NOX4: variants seen among roughly 807,000 people sequenced by gnomAD.
NOX4 encodes NADPH oxidase 4, also known as kidney oxidase-1.
Under a neutral mutation model 87.6 loss-of-function variants are expected in NOX4, and 69 were observed. That is an observed-to-expected ratio of 0.79 (90% CI 0.65 to 0.96). NOX4 has a LOEUF of 0.96. Ranked by LOEUF, NOX4 falls within the 40% of genes least tolerant of loss-of-function variation. The probability of loss-of-function intolerance (pLI) is 0.00; values close to 1 mark genes in which losing one functional copy is unlikely to be tolerated. For synonymous variants in NOX4, 275 were observed against 238.2 expected (o/e 1.15, Z -1.42); for missense variants, 680 against 681.5 (o/e 1.00, Z 0.02).
upstream of NOX4, among the ~76,000 whole-genome samples, chr11:89,501,068 C>T: frequency 6.6e-6 from 1 of 151,890 alleles, no homozygotes; most frequent in East Asian, 1.9e-4. Context: ...CAAGCTGTAG[C>T]CCTAGGAGAA....
At chr11:89,568,243 C>T in the NOX4 span, among the ~76,000 whole-genome samples, 11 of 151,936 alleles carry the variant, frequency 7.2e-5, no homozygotes, top group African/African-American at 1.9e-4. Flanking sequence ...TACTAAAATC[C>T]GAGCTGAACT....
At chr11:89,366,386 GTAACA>G (rs1938986985) in intron 12 of NOX4, among the ~76,000 whole-genome samples, 2 of 152,000 alleles carry the variant, frequency 1.3e-5, no homozygotes, top group Admixed American at 6.6e-5. Context: ...AAACTAAAAA[GTAACA>G]TTTTGGCCAG....
chr11:89,494,181 C>A (rs1475374987), upstream of NOX4, among the ~76,000 whole-genome samples: 1 of 152,174 alleles, frequency 6.6e-6, no homozygotes, highest in Non-Finnish European at 1.5e-5. Flanking sequence ...TTCACACTTT[C>A]TCCAGGAACA....
chr11:89,454,716 A>G (rs908459914), intron 2 of NOX4, among the ~76,000 whole-genome samples: 1 of 152,180 alleles, frequency 6.6e-6, no homozygotes, highest in African/African-American at 2.4e-5. Context: ...GATCTCATCT[A>G]CAGAAAGCTG....
the NOX4 span, among the ~76,000 whole-genome samples, chr11:89,526,757 C>A: frequency 6.6e-6 from 1 of 152,124 alleles, no homozygotes; most frequent in African/African-American, 2.4e-5. Flanking sequence ...GCCTCCCGAG[C>A]CATGCTGAAC....
At chr11:89,458,863 G>T (rs1026398742) in intron 2 of NOX4, among the ~76,000 whole-genome samples, 1 of 152,066 alleles carries the variant, frequency 6.6e-6, no homozygotes, top group Non-Finnish European at 1.5e-5. Flanking sequence ...ATGGGAATGT[G>T]AATTAGATCA....
chr11:89,585,061 G>A, the NOX4 span, among the ~76,000 whole-genome samples: 3 of 152,086 alleles, frequency 2.0e-5, no homozygotes, highest in Non-Finnish European at 4.4e-5. Flanking sequence ...TTGGGTGGGC[G>A]AATTTTGTAT....
At chr11:89,495,101 C>G (rs552541980), upstream of NOX4, among the ~76,000 whole-genome samples, 1 of 152,200 alleles carries the variant, frequency 6.6e-6, no homozygotes, top group East Asian at 1.9e-4. Context: ...CACCACCACG[C>G]CTGGTTCATT....
At chr11:89,376,973 A>G (rs557531) in intron 11 of NOX4, among the ~76,000 whole-genome samples, 82,358 of 152,088 alleles carry the variant, frequency 0.54, 23,443 homozygotes, top group East Asian at 0.73. Context: ...CAGGAGAATC[A>G]CTTGAATTCA....
the NOX4 span, among the ~76,000 whole-genome samples, chr11:89,560,354 C>T: frequency 6.6e-6 from 1 of 152,038 alleles, no homozygotes; most frequent in Non-Finnish European, 1.5e-5. Context: ...ATTCTGGCAC[C>T]TTTGATTTTT....
intron 8 of NOX4, among the ~76,000 whole-genome samples, chr11:89,414,453 T>C (rs1347308643): frequency 6.6e-6 from 1 of 151,852 alleles, no homozygotes; most frequent in African/African-American, 2.4e-5. Flanking sequence ...CTTTCTTTGC[T>C]ATGTTTTGAC....
chr11:89,336,141 C>T, intron 16 of NOX4, 196 bp from the exon 17 acceptor site: 1 of 389,982 alleles, frequency 2.6e-6, no homozygotes, highest in Non-Finnish European at 4.6e-6. Context: ...TCATTATCTC[C>T]TTGAATTCCA....
In NOX4 at chr11:89,326,857, A is replaced by G; in HGVS notation, c.1636T>C (p.Cys546Arg). ...YNRGKTVGVFCCGPNSLSKTL... is the reference protein window; with the variant it reads ...YNRGKTVGVFRCGPNSLSKTL... ...TTGGATAGTGAATTGGGTCCACAACAGAAAACACCAACTGTTTTTCTAGAA... is the reference window on the plus strand; with the variant it reads ...TTGGATAGTGAATTGGGTCCACAACGGAAAACACCAACTGTTTTTCTAGAA... Residue 546 changes from cysteine (C) to arginine (R), a missense_variant, in exon 18 of 18, where the codon TGT becomes CGT. Coordinates refer to ENST00000263317, the MANE Select transcript of NOX4 (RefSeq NM_016931.5). 1 of 1,613,234 alleles carries G rather than the reference A, an allele frequency of 6.2e-7. No individual in the cohort carries two copies. The highest frequency in any genetic ancestry group is 8.5e-7 in the Non-Finnish European group (1 of 1,179,548).
intron 6 of NOX4, among the ~76,000 whole-genome samples, chr11:89,435,154 A>G (rs1451025102): frequency 6.6e-6 from 1 of 152,100 alleles, no homozygotes; most frequent in East Asian, 1.9e-4. Flanking sequence ...TTTGAGAGAA[A>G]AAAGAAGAGG....
intron 3 of NOX4, 125 bp from the exon 4 acceptor site, chr11:89,449,649 G>A (rs1265907852): frequency 4.7e-6 from 3 of 637,104 alleles, no homozygotes; most frequent in Non-Finnish European, 5.3e-6. Context: ...TCAAAAATTG[G>A]TGAGATGAAT....
intron 3 of NOX4, 150 bp downstream of exon 3, chr11:89,451,635 A>G (rs1207937655): frequency 6.7e-6 from 4 of 594,076 alleles, no homozygotes; most frequent in Non-Finnish European, 1.2e-5. Context: ...TAACTCACAG[A>G]TCATCTTGGC....
the NOX4 span, among the ~76,000 whole-genome samples, chr11:89,523,423 C>T: frequency 8.5e-5 from 13 of 152,192 alleles, no homozygotes; most frequent in African/African-American, 2.6e-4. Flanking sequence ...AATATATAAA[C>T]GTAAAGTAGT....
At chr11:89,431,582 C>T (rs1226062546) in intron 7 of NOX4, among the ~76,000 whole-genome samples, 3 of 152,030 alleles carry the variant, frequency 2.0e-5, no homozygotes, top group Non-Finnish European at 4.4e-5. Context: ...TTTATGCAGC[C>T]AAAAGACACA....
At chr11:89,545,961 C>T in the NOX4 span, among the ~76,000 whole-genome samples, 12 of 152,232 alleles carry the variant, frequency 7.9e-5, no homozygotes, top group African/African-American at 2.6e-4. Context: ...AGCCCCTGTA[C>T]GCCTATTACT....
Sources: allele counts gnomAD v4.1 joint callset (sites outside exome capture counted in the v4.1 genomes callset), GRCh38; gene constraint gnomAD v4.1.1; transcripts MANE v1.5; gene names NCBI Gene and HGNC (gene_info 2026-07-23, HGNC 2026-07-21).